The following MYH11 variants were observed in gnomAD, a reference collection of about 807,000 sequenced individuals.
MYH11 encodes myosin heavy chain 11.
Under a neutral mutation model 246.6 loss-of-function variants are expected in MYH11, and 80 were observed. That is an observed-to-expected ratio of 0.32 (90% CI 0.27 to 0.39). The LOEUF (loss-of-function observed/expected upper bound fraction) is 0.39. Ranked by LOEUF, MYH11 falls within the 10% of genes least tolerant of loss-of-function variation. The pLI is 1.00. For synonymous variants in MYH11, 1,071 were observed against 1,015.5 expected, an observed-to-expected ratio of 1.05 and a Z score of -1.04; for missense variants, 2,158 against 2,546.8, an observed-to-expected ratio of 0.85 and a Z score of 3.29.
intron 3 of MYH11, among the ~76,000 whole-genome samples, chr16:15,811,622 T>TG (rs2043139116): frequency 6.6e-6 from 1 of 151,884 alleles, no homozygotes; most frequent in Non-Finnish European, 1.5e-5. Context: ...CTGCCTCTAC[T>TG]GGGGAGCAGC....
rs560113101 is a variant in MYH11, at chr16:15,842,735, G to A, written c.-17-4466C>T. On this transcript the variant is annotated intron_variant, in intron 1 of 40. Transcript: ENST00000300036. ...GCTGAGATGGTGCCACTGCACTCTGGCCCAGGCAACAGAGCAAGACTTCAT... is the reference window on the plus strand; with the variant it reads ...GCTGAGATGGTGCCACTGCACTCTGACCCAGGCAACAGAGCAAGACTTCAT... 8.6e-4 allele frequency among the ~76,000 whole-genome samples: 109 copies of A among 126,688 alleles called. 1 individual carries two copies. The highest frequency in any genetic ancestry group is 3.3e-3 in the African/African-American group (108 of 32,460). The allele number at this position is 126,688 out of a possible 152,430, so 83.1% of individuals were successfully genotyped here.
intron 20 of MYH11, among the ~76,000 whole-genome samples, chr16:15,743,955 C>G (rs2041346563): frequency 6.6e-6 from 1 of 152,084 alleles, no homozygotes; most frequent in Admixed American, 6.6e-5. Context: ...TCTGGAGGCC[C>G]TGACTCTGCC....
intron 19 of MYH11, 79 bp downstream of exon 19, chr16:15,747,491 A>T (rs972830075): frequency 1.9e-6 from 3 of 1,562,998 alleles, no homozygotes; most frequent in African/African-American, 2.7e-5. Flanking sequence ...GTGGCCTCTT[A>T]GAATCAGGGA....
chr16:15,743,232 G>C (rs1336294579), intron 20 of MYH11, among the ~76,000 whole-genome samples: 1 of 152,094 alleles, frequency 6.6e-6, no homozygotes, highest in East Asian at 1.9e-4. Context: ...GCAGTGGCAC[G>C]ATCTCAGCTC....
intron 3 of MYH11, among the ~76,000 whole-genome samples, chr16:15,819,749 C>T (rs140386328): frequency 2.6e-5 from 4 of 152,130 alleles, no homozygotes; most frequent in Admixed American, 1.3e-4. Flanking sequence ...CATCCCGAAC[C>T]ATCTCTCCCC....
chr16:15,850,260 C>T (rs189656216), intron 1 of MYH11, among the ~76,000 whole-genome samples: 1 of 152,166 alleles, frequency 6.6e-6, no homozygotes, highest in Non-Finnish European at 1.5e-5. Context: ...TGGTGGGCGC[C>T]TGTAATACCA....
Position 15,753,490 on chromosome 16 carries a change from C to T in MYH11, c.1768G>A (p.Ala590Thr), listed in dbSNP as rs745516001. The change falls in exon 15 of 41, where the codon GCC becomes ACC. Residue 590 changes from alanine to threonine, a missense_variant. Physicochemically the swap from Ala to Thr is moderately conservative, Grantham distance 58. Coordinates refer to ENST00000300036, the MANE Select transcript of MYH11 (RefSeq NM_002474.3). ...YAGKVDYNAS[A>T]WLTKNMDPLN... The stretch of plus-strand genomic sequence containing the variant: ...GGGTCCATATTCTTGGTCAGCCAGG[C>T]ACTCGCATTATAGTCCACCTGCCAA... 17 of 1,614,014 alleles carry T rather than the reference C, an allele frequency of 1.1e-5. No homozygotes were observed. In the African/African-American group the frequency reaches 1.5e-4, roughly 14 times the overall value.
chr16:15,747,535 G>A (rs755612367), intron 19 of MYH11, 35 bp downstream of exon 19: 34 of 1,613,836 alleles, frequency 2.1e-5, no homozygotes, highest in Middle Eastern at 1.7e-4. Flanking sequence ...TGTGATTCGC[G>A]TTTGAGGTAT....
chr16:15,708,135 G>A lies in MYH11; in HGVS notation c.5787-4012C>T, dbSNP rs545283129. On this transcript the variant is annotated intron_variant, in intron 40 of 40. Transcript: ENST00000300036. ...CTGCCAGGACTGTGCTTGGCTTTGC[G>A]GTGGTCAGCTTCCACCCCGTGTGCT... Among the ~76,000 whole-genome samples the A allele has an allele frequency of 5.9e-5, 9 of 152,204 alleles. No individual in the cohort carries two copies. The East Asian group carries it at 1.4e-3, about 23-fold the overall frequency.
chr16:15,771,187 A>G (rs1486723308), intron 9 of MYH11, among the ~76,000 whole-genome samples: 1 of 151,652 alleles, frequency 6.6e-6, no homozygotes, highest in African/African-American at 2.4e-5. Context: ...TTTAGTAGAG[A>G]CAGGGTTTCA....
intron 11 of MYH11, among the ~76,000 whole-genome samples, chr16:15,760,258 C>T (rs2041837961): frequency 6.6e-6 from 1 of 151,502 alleles, no homozygotes; most frequent in African/African-American, 2.4e-5. Flanking sequence ...GATGGACGGA[C>T]AGATGGACAG....
rs562843789 is a variant in MYH11, at chr16:15,818,572, C to T, written c.502+4683G>A. Among the ~76,000 whole-genome samples, 1,042 of 152,082 alleles carry T rather than the reference C, an allele frequency of 6.9e-3. 5 individuals are homozygous for T. The highest frequency in any genetic ancestry group is 0.022 in the African/African-American group (914 of 41,464). On this transcript the variant is annotated intron_variant, in intron 3 of 40. Transcript: ENST00000300036. Reference sequence around the variant, plus strand: ...CTCAGCACCCCCTGAGTAGCTGGGACTACAGGCGCCTGCCACTGTGCCTGG... The same window carrying T: ...CTCAGCACCCCCTGAGTAGCTGGGATTACAGGCGCCTGCCACTGTGCCTGG...
intron 9 of MYH11, among the ~76,000 whole-genome samples, chr16:15,769,049 A>C (rs896760368): frequency 6.6e-6 from 1 of 152,216 alleles, no homozygotes; most frequent in South Asian, 2.1e-4. Context: ...ACGGTGGCTC[A>C]TGCCTGCAAT....
chr16:15,742,341 G>T, intron 20 of MYH11: 1 of 253,908 alleles, frequency 3.9e-6, no homozygotes. Flanking sequence ...CCCTATCAAA[G>T]TCATTATTAA....
At chr16:15,720,427 C>T (rs1663009502) in intron 33 of MYH11, 115 bp from the exon 34 acceptor site, 6 of 1,368,192 alleles carry the variant, frequency 4.4e-6, no homozygotes, top group Non-Finnish European at 6.1e-6. Context: ...GTGAGGTGGG[C>T]ATCTCATCCC....
At chr16:15,736,016 C>A (rs983829486) in intron 25 of MYH11, among the ~76,000 whole-genome samples, 1 of 152,168 alleles carries the variant, frequency 6.6e-6, no homozygotes, top group African/African-American at 2.4e-5. Context: ...CCACTGCTTG[C>A]GGGGGATATT....
rs202062248 is a variant in MYH11, at chr16:15,788,346, G to GT, written c.531-1615dup. Among the ~76,000 whole-genome samples, 68 of 147,278 alleles carry GT rather than the reference G, an allele frequency of 4.6e-4. 1 individual carries two copies. In the East Asian group the frequency reaches 7.3e-3, roughly 16 times the overall value. On this transcript the variant is annotated intron_variant, in intron 4 of 40. Coordinates refer to ENST00000300036, the MANE Select transcript of MYH11 (RefSeq NM_002474.3). ...ACTTAATACTCTAAAATATAAGAGAGTTTTTTTTTTAAGTTGAAAAAAGAA... is the reference window on the plus strand; with the variant it reads ...ACTTAATACTCTAAAATATAAGAGAGTTTTTTTTTTTAAGTTGAAAAAAGAA...
intron 6 of MYH11, among the ~76,000 whole-genome samples, chr16:15,781,181 C>G (rs981192065): frequency 1.3e-5 from 2 of 152,180 alleles, no homozygotes; most frequent in African/African-American, 4.8e-5. Flanking sequence ...ACTGGGACTA[C>G]GGGCATGAGC....
chr16:15,703,913 G>T lies in MYH11; in HGVS notation c.*78C>A. ...GTCTGCTGGGTTTTGCTTTGTTCTGGGTTGTTGTTGGGTTTTTTTTGTTTG... is the reference window on the plus strand; with the variant it reads ...GTCTGCTGGGTTTTGCTTTGTTCTGTGTTGTTGTTGGGTTTTTTTTGTTTG... On this transcript the variant is annotated 3_prime_UTR_variant, in exon 41 of 41. Coordinates refer to ENST00000300036, the MANE Select transcript of MYH11 (RefSeq NM_002474.3). The T allele has an allele frequency of 1.3e-6, 2 of 1,594,474 alleles. No homozygotes were observed. The highest frequency in any genetic ancestry group is 1.1e-5 in the South Asian group (1 of 90,202).
Sources: gnomAD v4.1 joint callset for allele counts (sites outside exome capture counted in the v4.1 genomes callset) on GRCh38, gnomAD v4.1.1 for gene constraint, MANE v1.5 for transcripts, NCBI Gene and HGNC (gene_info 2026-07-23, HGNC 2026-07-21) for gene names.